The following LRP2BP variants were observed in gnomAD, a reference collection of about 807,000 sequenced individuals.
LRP2BP encodes LRP2 binding protein.
In LRP2BP, 38 loss-of-function variants were observed where a neutral mutation model predicts 45.2. The observed-to-expected ratio is 0.84, with a 90% CI of 0.65 to 1.10. The LOEUF (loss-of-function observed/expected upper bound fraction) is 1.10. Ranked by LOEUF, LRP2BP falls within the 50% of genes least tolerant of loss-of-function variation. The pLI, the probability that LRP2BP is intolerant of heterozygous loss-of-function variation, is 0.00. For missense variants in LRP2BP, 385 were observed against 418.9 expected (o/e 0.92, Z 0.71); for synonymous variants, 153 against 153.9 (o/e 0.99, Z 0.04).
chr4:185,394,768 C>G lies in LRP2BP; in HGVS notation c.-22+11G>C. The G allele has an allele frequency of 1.0e-6, 1 of 985,374 alleles. No individual in the cohort carries two copies. Among genetic ancestry groups the G allele is most frequent in the African/African-American group, 1.7e-5 (1 of 57,356 alleles). 61.0% of individuals were successfully genotyped at this position (985,374 alleles called of 1,614,324 possible). A position where few individuals can be genotyped will look rare whatever the true frequency, so the allele number is the denominator to read the frequency against. The stretch of plus-strand genomic sequence containing the variant: ...TCAGCCCACACATCTCTCATCTATT[C>G]GGTCACTTACTCATCATCCAACGTT... On this transcript the variant is annotated intron_variant, in intron 1 of 8. Coordinates refer to ENST00000505916, the MANE Select transcript of LRP2BP (RefSeq NM_001377440.1).
upstream of LRP2BP, chr4:185,397,044 G>T: frequency 6.2e-7 from 1 of 1,609,178 alleles, no homozygotes; most frequent in Non-Finnish European, 8.5e-7. Context: ...ACCACTGGGC[G>T]CTGCCTGGTC....
intron 2 of LRP2BP, 92 bp from the exon 3 acceptor site, chr4:185,377,110 T>C (rs2095440706): frequency 2.2e-6 from 2 of 899,680 alleles, no homozygotes; most frequent in African/African-American, 1.7e-5. Flanking sequence ...TCTAACACTG[T>C]TGACATTCTT....
chr4:185,396,240 GT>G (rs2095502271), upstream of LRP2BP: 1 of 152,278 alleles, frequency 6.6e-6, no homozygotes, highest in Non-Finnish European at 1.5e-5. Context: ...CACCTCCCGG[GT>G]TGGGAGGCGG....
rs1221470395 is a variant in LRP2BP at position 185,372,990 on chromosome 4, G to A, written c.669C>T (p.Ile223=). 1 of 1,613,974 alleles carries A rather than the reference G, an allele frequency of 6.2e-7. No homozygotes were observed. Among genetic ancestry groups the A allele is most frequent in the South Asian group, 1.1e-5 (1 of 91,078 alleles). Residue 223 remains isoleucine (I), a synonymous_variant, in exon 7 of 9, where the codon ATC becomes ATT. Coordinates refer to ENST00000505916, the MANE Select transcript of LRP2BP (RefSeq NM_001377440.1). ...LGLMYLYGQG[I]RQDTEAALQC... is the part of the protein sequence containing the mutation. ...GCAGGGCAGCTTCCGTATCCTGCCG[G>A]ATGCCTTGTCCATACAAGTACATGA...
At chr4:185,383,641 C>G (rs1174902204) in intron 1 of LRP2BP, among the ~76,000 whole-genome samples, 1 of 152,246 alleles carries the variant, frequency 6.6e-6, no homozygotes, top group Non-Finnish European at 1.5e-5. Context: ...GAACTTGGCA[C>G]TTCCATCCCC....
rs2095454891 is a variant in LRP2BP, at chr4:185,381,156, TTTC to T, written c.-21-2952_-21-2950del. Among the ~76,000 whole-genome samples, 3 of 152,288 alleles carry T rather than the reference TTTC, an allele frequency of 2.0e-5. No homozygotes were observed. The South Asian group carries it at 6.2e-4, about 32-fold the overall frequency. On this transcript the variant is annotated intron_variant, in intron 1 of 8. Coordinates refer to ENST00000505916, the MANE Select transcript of LRP2BP (RefSeq NM_001377440.1). The stretch of plus-strand genomic sequence containing the variant: ...GCACCTGTAATGGCACAAGTTACTT[TTTC>T]TTGTTTTTTACACTATATAAATGGA...
At chr4:185,397,022 A>C (rs2095505316), upstream of LRP2BP, 1 of 1,610,620 alleles carries the variant, frequency 6.2e-7, no homozygotes, top group African/African-American at 1.3e-5. Flanking sequence ...CTTCTCGTTA[A>C]TGCGGGGACG....
chr4:185,393,093 T>C (rs983011257), intron 1 of LRP2BP, among the ~76,000 whole-genome samples: 5 of 152,102 alleles, frequency 3.3e-5, no homozygotes, highest in Admixed American at 6.6e-5. Flanking sequence ...ACCACACACC[T>C]GGCTAATTTT....
At chr4:185,375,391 G>T (rs2095429809) in intron 4 of LRP2BP, among the ~76,000 whole-genome samples, 1 of 139,348 alleles carries the variant, frequency 7.2e-6, no homozygotes, top group African/African-American at 2.6e-5. Context: ...GGGAAGCAGA[G>T]GTTGCAGTGA....
chr4:185,394,034 G>A (rs962825602), intron 1 of LRP2BP, among the ~76,000 whole-genome samples: 23 of 152,154 alleles, frequency 1.5e-4, no homozygotes, highest in African/African-American at 5.1e-4. Context: ...CAAGGCAGGT[G>A]GATCACTGGA....
Position 185,372,789 on chromosome 4 carries a change from G to C in LRP2BP, c.803+67C>G, listed in dbSNP as rs373464043. The C allele has an allele frequency of 8.1e-4, 1,088 of 1,342,452 alleles. 2 individuals carry two copies. Among genetic ancestry groups the C allele is most frequent in the Non-Finnish European group, 1.0e-3 (977 of 965,046 alleles). 83.2% of individuals were successfully genotyped at this position (1,342,452 alleles called of 1,614,324 possible). On this transcript the variant is annotated intron_variant, in intron 7 of 8. Transcript: ENST00000505916. The stretch of plus-strand genomic sequence containing the variant: ...CTGGAACTGTGAGAAATAAATTTCT[G>C]TTTCTCATAAATTACCTAGTGTGTG...
Position 185,366,419 on chromosome 4 carries a change from A to G in LRP2BP, c.*761T>C, listed in dbSNP as rs920662920. ...TTTTGTTTTATTACACATTCTGCAT[A>G]TGTATGTAGCAGTTGTTTTACTCAT... On this transcript the variant is annotated 3_prime_UTR_variant, in exon 9 of 9. Transcript: ENST00000505916. 1.3e-5 allele frequency: 2 copies of G among 152,216 alleles called. No individual in the cohort carries two copies. Among genetic ancestry groups the G allele is most frequent in the African/African-American group, 4.8e-5 (2 of 41,464 alleles). 9.4% of individuals were successfully genotyped at this position (152,216 alleles called of 1,614,324 possible).
At chr4:185,392,709 C>T (rs60508752) in intron 1 of LRP2BP, among the ~76,000 whole-genome samples, 11,398 of 151,984 alleles carry the variant, frequency 0.075, 636 homozygotes, top group African/African-American at 0.14. Flanking sequence ...AGTGTATGAA[C>T]GATAGAAGTA....
rs1182610026 is a variant in LRP2BP, at chr4:185,365,730, GATTAAGTGT to G, written c.*1441_*1449del. The G allele has an allele frequency of 2.6e-5, 4 of 151,188 alleles. No homozygotes were observed. The highest frequency in any genetic ancestry group is 5.9e-5 in the Non-Finnish European group (4 of 67,842). The allele number at this position is 151,188 out of a possible 1,614,324, so 9.4% of individuals were successfully genotyped here. On this transcript the variant is annotated 3_prime_UTR_variant, in exon 9 of 9. Transcript: ENST00000505916. ...TAATAATAATAATCTTTAGGAACTGGATTAAGTGTGGAGAAGAGAATACTAGTTGGGAAT... is the reference window on the plus strand; with the variant it reads ...TAATAATAATAATCTTTAGGAACTGGGGAGAAGAGAATACTAGTTGGGAAT...
Position 185,374,202 on chromosome 4 carries a change from G to C in LRP2BP, c.512C>G (p.Ala171Gly), listed in dbSNP as rs757388499. 7 of 1,613,998 alleles carry C rather than the reference G, an allele frequency of 4.3e-6. No homozygotes were observed. In the African/African-American group the frequency reaches 9.3e-5, roughly 22 times the overall value. ...GAGCATACTTTGAGCCTTCACACTA[G>C]CTTTGGGATTTCCATTGTCTGCTGC... is the stretch of plus-strand genomic sequence containing the variant. ...LIAADNGNPK[A>G]SVKAQSMLGL... is the part of the protein sequence containing the mutation. Residue 171 changes from alanine (A) to glycine (G), a missense_variant, in exon 6 of 9, where the codon GCT becomes GGT. Ala to Gly is a moderately conservative substitution (Grantham distance 60). Coordinates refer to ENST00000505916, the MANE Select transcript of LRP2BP (RefSeq NM_001377440.1).
intron 1 of LRP2BP, among the ~76,000 whole-genome samples, chr4:185,392,357 C>T (rs6845460): frequency 0.9 from 136,855 of 152,240 alleles, 61,646 homozygotes; most frequent in East Asian, 0.99. Context: ...CTATACTTTG[C>T]CTTTTCTTTT....
rs2095471328 is a variant in LRP2BP, at chr4:185,386,165, G to A, written c.-21-7958C>T. 5.9e-5 allele frequency among the ~76,000 whole-genome samples: 9 copies of A among 152,164 alleles called. No homozygotes were observed. In the South Asian group the frequency reaches 1.7e-3, roughly 28 times the overall value. On this transcript the variant is annotated intron_variant, in intron 1 of 8. Coordinates refer to ENST00000505916, the MANE Select transcript of LRP2BP (RefSeq NM_001377440.1). ...GGACAAAAAATAAAACACAAAACAA[G>A]CAAGATATATTTTAAAAAGAAGCAT...
chr4:185,383,103 T>C (rs747843172), intron 1 of LRP2BP, among the ~76,000 whole-genome samples: 1 of 152,212 alleles, frequency 6.6e-6, no homozygotes, highest in African/African-American at 2.4e-5. Context: ...TTCACCTCAG[T>C]AGTTGTGTTT....
intron 1 of LRP2BP, among the ~76,000 whole-genome samples, chr4:185,391,316 ACAGG>A (rs2095487749): frequency 6.6e-6 from 1 of 152,194 alleles, no homozygotes; most frequent in Non-Finnish European, 1.5e-5. Context: ...GCAGCATCCA[ACAGG>A]CTTCTCCACT....
Sources: allele counts gnomAD v4.1 joint callset (sites outside exome capture counted in the v4.1 genomes callset), GRCh38; gene constraint gnomAD v4.1.1; transcripts MANE v1.5; gene names NCBI Gene and HGNC (gene_info 2026-07-23, HGNC 2026-07-21).